The following FUS variants were observed in gnomAD, a reference collection of about 807,000 sequenced individuals.
The protein encoded by FUS is RNA-binding protein FUS.
In FUS, 5 loss-of-function variants were observed where a neutral mutation model predicts 82.7. The ratio of observed to expected loss-of-function variants is 0.06; its 90% CI spans 0.03 to 0.13. FUS has a LOEUF of 0.13. Ranked by LOEUF, FUS falls within the 10% of genes least tolerant of loss-of-function variation. The probability of loss-of-function intolerance (pLI) is 1.00; values close to 1 mark genes in which losing one functional copy is unlikely to be tolerated. For synonymous variants in FUS, 281 were observed against 247.4 expected (o/e 1.14, Z -1.27); for missense variants, 512 against 707.8 (o/e 0.72, Z 3.14).
chr16:31,182,771 C>T (rs774214725), intron 3 of FUS, 107 bp downstream of exon 3: 11 of 1,387,468 alleles, frequency 7.9e-6, no homozygotes, highest in Middle Eastern at 2.3e-4. Context: ...GGCTGGAGTG[C>T]AGTGGTGCTG....
downstream of FUS, chr16:31,191,682 A>G (rs1338524438): frequency 2.9e-6 from 2 of 690,088 alleles, no homozygotes; most frequent in East Asian, 5.5e-5. Flanking sequence ...TTTCCTGTTC[A>G]GATTACCCTG....
downstream of FUS, chr16:31,194,049 G>C (rs775514975): frequency 3.7e-6 from 2 of 534,110 alleles, no homozygotes; most frequent in Admixed American, 4.4e-5. Context: ...AAGTGAGGAG[G>C]GTGGGGAGAG....
chr16:31,184,568 C>T lies in FUS; in HGVS notation c.523+172C>T, dbSNP rs142814346. ...GCGCCAGTCTCCTGCCTCAGCCTCCCGAGTAGCTGGGACTACAGGCATCCG... is the reference window on the plus strand; with the variant it reads ...GCGCCAGTCTCCTGCCTCAGCCTCCTGAGTAGCTGGGACTACAGGCATCCG... On this transcript the variant is annotated intron_variant, in intron 5 of 14. Coordinates refer to ENST00000254108, the MANE Select transcript of FUS (RefSeq NM_004960.4). Among the ~76,000 whole-genome samples, 1,104 of 152,056 alleles carry T rather than the reference C, an allele frequency of 7.3e-3. 11 individuals are homozygous for T. Among genetic ancestry groups the T allele is most frequent in the African/African-American group, 0.025 (1,035 of 41,478 alleles).
intron 6 of FUS, chr16:31,186,458 C>A: frequency 2.3e-6 from 1 of 432,376 alleles, no homozygotes; most frequent in Non-Finnish European, 4.3e-6. Flanking sequence ...GGTTTTTAAA[C>A]CAACTACTTG....
chr16:31,180,321 G>C, intron 1 of FUS, 94 bp downstream of exon 1: 1 of 1,495,350 alleles, frequency 6.7e-7, no homozygotes, highest in Non-Finnish European at 9.1e-7. Flanking sequence ...CGGCGATCCC[G>C]TGTGGGATTT....
chr16:31,184,927 CT>C lies in FUS; in HGVS notation c.524-8del, dbSNP rs1201826464. ...TGTTTTTTTTTTTTAATCATTCTTT[CT>C]TTTCTCACAGGTAACTATGGCCAAG... On this transcript the variant is annotated splice_polypyrimidine_tract_variant and intron_variant, in intron 5 of 14. Coordinates refer to ENST00000254108, the MANE Select transcript of FUS (RefSeq NM_004960.4). 1 of 1,587,720 alleles carries C rather than the reference CT, an allele frequency of 6.3e-7. No individual in the cohort carries two copies. The highest frequency in any genetic ancestry group is 8.6e-7 in the Non-Finnish European group (1 of 1,163,942).
rs754343013 is a variant in FUS at position 31,189,249 on chromosome 16, GCTTT to G, written c.936+26_936+29del. 3.3e-6 allele frequency: 5 copies of G among 1,506,382 alleles called. No homozygotes were observed. In the Admixed American group the frequency reaches 6.7e-5, roughly 20 times the overall value. The allele number at this position is 1,506,382 out of a possible 1,614,324, so 93.3% of individuals were successfully genotyped here. On this transcript the variant is annotated intron_variant, in intron 9 of 14. Coordinates refer to ENST00000254108, the MANE Select transcript of FUS (RefSeq NM_004960.4). ...AAGGTACTTGTGGAGAGGAGTGGGA[GCTTT>G]CTGTCAGTGTTGTAGGCTTGTGGAT...
downstream of FUS, chr16:31,193,709 C>T (rs918301430): frequency 3.8e-6 from 2 of 532,086 alleles, no homozygotes; most frequent in Admixed American, 2.2e-5. Flanking sequence ...CACCTAGCAG[C>T]AGAGAGAACA....
At position 31,182,545 on chromosome 16, in the gene FUS, G is replaced by A; in HGVS notation, c.71G>A (p.Gly24Asp). 6.2e-7 allele frequency: 1 copy of A among 1,614,126 alleles called. No individual in the cohort carries two copies. The highest frequency in any genetic ancestry group is 1.7e-4 in the Middle Eastern group (1 of 6,050). The change falls in exon 3 of 15, where the codon GGC (glycine) becomes GAC (aspartate). Residue 24 changes from glycine (G) to aspartate (D), a missense_variant. Around this residue, in one of 6 missense-constraint regions of FUS, gnomAD observed 276 missense variants for 303.3 expected, o/e 0.91. Transcript: ENST00000254108. ...GCCTACCCCACCCAGCCCGGGCAGG[G>A]CTATTCCCAGCAGAGCAGTCAGCCC... ...YGAYPTQPGQ[G>D]YSQQSSQPYG...
In FUS at chr16:31,182,627, C is replaced by T. The variant is rs61733962; in HGVS notation, c.153C>T (p.Gly51=). ...AGTCCACGGACACTTCAGGCTATGG[C>T]CAGAGCAGCTATTCTTCTTATGGCC... is the stretch of plus-strand genomic sequence containing the variant. ...YSQSTDTSGY[G]QSSYSSYGQS... is the part of the protein sequence containing the mutation. Residue 51 remains glycine, a synonymous_variant, in exon 3 of 15, where the codon GGC becomes GGT. Transcript: ENST00000254108. 7.7e-3 allele frequency: 12,502 copies of T among 1,614,074 alleles called. 442 individuals are homozygous for T. In the African/African-American group the frequency reaches 0.1, roughly 13 times the overall value.
intron 10 of FUS, 54 bp downstream of exon 10, chr16:31,189,848 T>A (rs2079325545): frequency 6.2e-7 from 1 of 1,612,500 alleles, no homozygotes; most frequent in South Asian, 1.1e-5. Flanking sequence ...GCAGCAAGCC[T>A]TAGGAAACAA....
At chr16:31,183,088 C>T in intron 3 of FUS, 1 of 257,884 alleles carries the variant, frequency 3.9e-6, no homozygotes, top group Non-Finnish European at 7.7e-6. Context: ...GTGTATAAGT[C>T]TTAAAACTTT....
At position 31,183,835 on chromosome 16, in the gene FUS, C is replaced by G. The variant is rs141242311; in HGVS notation, c.191-23C>G. 6.2e-4 allele frequency: 997 copies of G among 1,614,164 alleles called. 4 individuals carry two copies. The African/African-American group carries it at 0.012, about 19-fold the overall frequency. On this transcript the variant is annotated intron_variant, in intron 3 of 14. Transcript: ENST00000254108. The stretch of plus-strand genomic sequence containing the variant: ...TTCTCTTTCCTGGTGGCTTTTGTGA[C>G]TCCCTTTTTCTTATCCTGGTAGCAG...
intron 9 of FUS, 132 bp downstream of exon 9, chr16:31,189,358 G>T (rs962951383): frequency 2.4e-6 from 2 of 839,288 alleles, no homozygotes; most frequent in Non-Finnish European, 2.1e-6. Context: ...AGCTTAATTT[G>T]TTGAGGAAAG....
chr16:31,184,469 G>A lies in FUS; in HGVS notation c.523+73G>A, dbSNP rs554303740. ...TTTTTTTTTTTTGAGACGGAGTCTT[G>A]CTCTGTCTCTGTTGCTGAGGCTGGA... On this transcript the variant is annotated intron_variant, in intron 5 of 14. Transcript: ENST00000254108. 353 of 1,342,012 alleles carry A rather than the reference G, an allele frequency of 2.6e-4. 1 individual carries two copies. Among genetic ancestry groups the A allele is most frequent in the Non-Finnish European group, 3.4e-4 (331 of 979,414 alleles). The allele number at this position is 1,342,012 out of a possible 1,614,324, so 83.1% of individuals were successfully genotyped here.
downstream of FUS, chr16:31,194,453 C>G (rs1297737210): frequency 2.0e-6 from 1 of 505,414 alleles, no homozygotes; most frequent in Admixed American, 2.3e-5. Context: ...GCCACCATGA[C>G]TGGCTAATTT....
chr16:31,192,779 C>T (rs1434592495), downstream of FUS: 4 of 480,314 alleles, frequency 8.3e-6, no homozygotes, highest in South Asian at 1.5e-5. Flanking sequence ...CTGTGTTGGC[C>T]AGGCTGGTCT....
Position 31,184,476 on chromosome 16 carries a change from CT to C in FUS, c.523+81del, listed in dbSNP as rs1398309461. Reference sequence around the variant, plus strand: ...TTTTTGAGACGGAGTCTTGCTCTGTCTCTGTTGCTGAGGCTGGAGTGCAGTG... The same window carrying C: ...TTTTTGAGACGGAGTCTTGCTCTGTCCTGTTGCTGAGGCTGGAGTGCAGTG... On this transcript the variant is annotated intron_variant, in intron 5 of 14. Transcript: ENST00000254108. 5 of 1,330,212 alleles carry C rather than the reference CT, an allele frequency of 3.8e-6. No individual in the cohort carries two copies. The Admixed American group carries it at 1.1e-4, about 29-fold the overall frequency. 82.4% of individuals were successfully genotyped at this position (1,330,212 alleles called of 1,614,324 possible). A position where few individuals can be genotyped will look rare whatever the true frequency, so the allele number is the denominator to read the frequency against.
At chr16:31,185,426 A>C in intron 6 of FUS, 1 of 649,630 alleles carries the variant, frequency 1.5e-6, no homozygotes. Flanking sequence ...TTTCCAAAAA[A>C]AAAGAAACCA....
Sources: allele counts gnomAD v4.1 joint callset (sites outside exome capture counted in the v4.1 genomes callset), GRCh38; gene constraint gnomAD v4.1.1; regional missense constraint gnomAD v4.1.1; transcripts MANE v1.5; gene names NCBI Gene and HGNC (gene_info 2026-07-23, HGNC 2026-07-21).